GOLGA3: variants seen among roughly 807,000 people sequenced by gnomAD.
The protein encoded by GOLGA3 is golgin subfamily A member 3.
GOLGA3 carries 75 observed loss-of-function variants against 169.4 expected under a neutral mutation model. That is an observed-to-expected ratio of 0.44 (90% confidence interval 0.37 to 0.54). GOLGA3 has a LOEUF of 0.54. Ranked by LOEUF, GOLGA3 falls within the 20% of genes least tolerant of loss-of-function variation. The pLI is 0.00. For missense variants in GOLGA3, 1,899 were observed against 1,930.0 expected, an observed-to-expected ratio of 0.98 and a Z score of 0.30; for synonymous variants, 824 against 822.4, an observed-to-expected ratio of 1.00 and a Z score of -0.03.
chr12:132,780,713 G>C, intron 18 of GOLGA3, 85 bp downstream of exon 18: 1 of 833,360 alleles, frequency 1.2e-6, no homozygotes, highest in Non-Finnish European at 2.0e-6. Flanking sequence ...GCTGGAAGGA[G>C]GCTGGTGTGT....
rs373031026 is a variant in GOLGA3, at chr12:132,812,472, G to A, written c.519+835C>T. Among the ~76,000 whole-genome samples, 4 of 152,040 alleles carry A rather than the reference G, an allele frequency of 2.6e-5. No individual in the cohort carries two copies. In the East Asian group the frequency reaches 7.7e-4, roughly 29 times the overall value. ...GGGCAAAGTAAACTGAAAACCTTCT[G>A]GAAAGGATTCACCATTCTAGATGCC... On this transcript the variant is annotated intron_variant, in intron 4 of 23. Coordinates refer to ENST00000450791, the MANE Select transcript of GOLGA3 (RefSeq NM_001389683.1).
rs771206113 is a variant in GOLGA3 at position 132,786,571 on chromosome 12, G to A, written c.2907-16C>T. 60 of 1,611,020 alleles carry A rather than the reference G, an allele frequency of 3.7e-5. No homozygotes were observed. The Middle Eastern group carries it at 4.0e-3, about 107-fold the overall frequency. On this transcript the variant is annotated splice_polypyrimidine_tract_variant and intron_variant, in intron 14 of 23. Transcript: ENST00000450791. Reference sequence around the variant, plus strand: ...CGTGATGGCCCTGGGGTGTCATGAGGGAGACACAGGAGGAAGCTGAATTAT... The same window carrying A: ...CGTGATGGCCCTGGGGTGTCATGAGAGAGACACAGGAGGAAGCTGAATTAT...
Position 132,808,139 on chromosome 12 carries a change from C to A in GOLGA3, c.930G>T (p.Val310=), listed in dbSNP as rs1324663754. Residue 310 remains valine (V), a synonymous_variant, in exon 5 of 24, where the codon GTG becomes GTT. Coordinates refer to ENST00000450791, the MANE Select transcript of GOLGA3 (RefSeq NM_001389683.1). The part of the protein sequence containing the change: ...TSLAGDSVSE[V]DGNDSDSSSY... ...ATGAGCTGTCGCTGTCATTTCCATCCACCTCAGACACGCTGTCTCCAGCCA... is the reference window on the plus strand; with the variant it reads ...ATGAGCTGTCGCTGTCATTTCCATCAACCTCAGACACGCTGTCTCCAGCCA... 6.2e-7 allele frequency: 1 copy of A among 1,609,350 alleles called. No homozygotes were observed.
At position 132,816,773 on chromosome 12, in the gene GOLGA3, G is replaced by C. The variant is rs142803602; in HGVS notation, c.173C>G (p.Pro58Arg). Residue 58 changes from proline to arginine, a missense_variant, in exon 3 of 24, where the codon CCG becomes CGG. Coordinates refer to ENST00000450791, the MANE Select transcript of GOLGA3 (RefSeq NM_001389683.1). Reference sequence around the variant, plus strand: ...GAGGCCTCCCTGGCCAGGTCCATCCGGGCTTTCCCCTTCCGTGGATGCTCT... The same window carrying C: ...GAGGCCTCCCTGGCCAGGTCCATCCCGGCTTTCCCCTTCCGTGGATGCTCT... Reference protein sequence around the residue: ...VNRASTEGESPDGPGQGGLCQ... With the variant: ...VNRASTEGESRDGPGQGGLCQ... The C allele has an allele frequency of 2.5e-6, 4 of 1,608,592 alleles. No homozygotes were observed. The highest frequency in any genetic ancestry group is 2.2e-5 in the South Asian group (2 of 91,006).
chr12:132,777,021 C>T lies in GOLGA3; in HGVS notation c.3792G>A (p.Gln1264=), dbSNP rs571394910. Residue 1264 remains glutamine (Q), a synonymous_variant, in exon 20 of 24, where the codon CAG becomes CAA. Coordinates refer to ENST00000450791, the MANE Select transcript of GOLGA3 (RefSeq NM_001389683.1). The surrounding 1 kb of genome is among the most constrained non-coding windows in gnomAD (Gnocchi z 4.7). ...CCAGCTGCTTCTGCAGGAGCTGGAGCTGTGCCCGGGCCTCGGCCAGCTCTG... is the reference window on the plus strand; with the variant it reads ...CCAGCTGCTTCTGCAGGAGCTGGAGTTGTGCCCGGGCCTCGGCCAGCTCTG... ...FQAELAEARA[Q]LQLLQKQLDE... is the part of the protein sequence containing the mutation. The T allele has an allele frequency of 6.2e-7, 1 of 1,611,980 alleles. No individual in the cohort carries two copies. Among genetic ancestry groups the T allele is most frequent in the African/African-American group, 1.3e-5 (1 of 74,944 alleles).
At position 132,822,033 on chromosome 12, in the gene GOLGA3, G is replaced by A. The variant is rs1442009469; in HGVS notation, c.96C>T (p.Gly32=). The change falls in exon 2 of 24, where the codon GGC becomes GGT. Residue 32 remains glycine, a synonymous_variant. Transcript: ENST00000450791. ...SLPEAPLKPP[G]PLVPPDQQDK... is the part of the protein sequence containing the mutation. The stretch of plus-strand genomic sequence containing the variant: ...CCTGCTGGTCAGGTGGCACCAGTGG[G>A]CCCGGGGGCTTCAGTGGGGCCTCGG... 6.2e-7 allele frequency: 1 copy of A among 1,609,732 alleles called. No homozygotes were observed. The highest frequency in any genetic ancestry group is 8.5e-7 in the Non-Finnish European group (1 of 1,178,314).
Position 132,804,689 on chromosome 12 carries a change from G to A in GOLGA3, c.1597+27C>T. 1 of 1,570,922 alleles carries A rather than the reference G, an allele frequency of 6.4e-7. No individual in the cohort carries two copies. Among genetic ancestry groups the A allele is most frequent in the Non-Finnish European group, 8.7e-7 (1 of 1,147,146 alleles). ...GAGCAGCAGGGACCAGTCAGGGAGG[G>A]GAGGGCGTGGCCAGGGCCAGCCTCA... is the stretch of plus-strand genomic sequence containing the variant. On this transcript the variant is annotated intron_variant, in intron 7 of 23. Coordinates refer to ENST00000450791, the MANE Select transcript of GOLGA3 (RefSeq NM_001389683.1). This position sits in a 1 kb window ranked among gnomAD's most constrained non-coding sequence, Gnocchi z 4.1.
At chr12:132,791,593 T>C (rs894726181) in intron 11 of GOLGA3, among the ~76,000 whole-genome samples, 1 of 147,194 alleles carries the variant, frequency 6.8e-6, no homozygotes, top group Non-Finnish European at 1.5e-5. Flanking sequence ...AAAGGACACA[T>C]CTGCAGAGTT....
At chr12:132,816,952 T>G in intron 2 of GOLGA3, 140 bp from the exon 3 acceptor site, 1 of 829,484 alleles carries the variant, frequency 1.2e-6, no homozygotes. Context: ...GGCTTCACTC[T>G]GAGAGGAGCA....
chr12:132,786,294 T>C, intron 15 of GOLGA3, 45 bp downstream of exon 15: 1 of 1,347,154 alleles, frequency 7.4e-7, no homozygotes, highest in South Asian at 1.3e-5. Flanking sequence ...TTCCCTGCAC[T>C]GAGGGGCTGG....
rs751843259 is a variant in GOLGA3, at chr12:132,825,185, G to C, written c.-183-2874C>G. Among the ~76,000 whole-genome samples the C allele has an allele frequency of 7.9e-4, 120 of 152,080 alleles. 3 individuals are homozygous for C. Among genetic ancestry groups the C allele is most frequent in the Non-Finnish European group, 7.4e-5 (5 of 68,024 alleles). Reference sequence around the variant, plus strand: ...GGGGGTGGGGTGATTATATGGAACCGACCGTGTGTGCCTACGCGTGCAGAC... The same window carrying C: ...GGGGGTGGGGTGATTATATGGAACCCACCGTGTGTGCCTACGCGTGCAGAC... On this transcript the variant is annotated intron_variant, in intron 1 of 23. Coordinates refer to ENST00000450791, the MANE Select transcript of GOLGA3 (RefSeq NM_001389683.1).
intron 8 of GOLGA3, 106 bp downstream of exon 8, chr12:132,801,661 A>T: frequency 8.9e-7 from 1 of 1,129,254 alleles, no homozygotes; most frequent in Non-Finnish European, 1.3e-6. Flanking sequence ...GTTAAAAACA[A>T]AAACATGCCT....
intron 15 of GOLGA3, 87 bp from the exon 16 acceptor site, chr12:132,784,394 T>C: frequency 8.7e-7 from 1 of 1,155,494 alleles, no homozygotes; most frequent in Non-Finnish European, 1.2e-6. Flanking sequence ...CATGAGGCTG[T>C]GTGGCTGCAC....
chr12:132,792,270 A>AG (rs1174958553), intron 11 of GOLGA3, among the ~76,000 whole-genome samples: 11 of 152,216 alleles, frequency 7.2e-5, no homozygotes. Flanking sequence ...GGATGAGGCC[A>AG]GGGGACACTG....
intron 2 of GOLGA3, among the ~76,000 whole-genome samples, chr12:132,820,898 G>A (rs1462640429): frequency 1.3e-5 from 2 of 151,858 alleles, no homozygotes; most frequent in Admixed American, 6.6e-5. Flanking sequence ...TCAGGAGTTC[G>A]AGACCAGCCT....
intron 1 of GOLGA3, among the ~76,000 whole-genome samples, chr12:132,823,540 C>T (rs569986931): frequency 1.5e-4 from 23 of 152,336 alleles, no homozygotes; most frequent in African/African-American, 5.3e-4. Context: ...AATCCCAGCA[C>T]TTTGGGAGGC....
In GOLGA3 at chr12:132,789,098, G is replaced by GCTGAC; in HGVS notation, c.2735_2739dup (p.His914ValfsTer45). 6.2e-7 allele frequency: 1 copy of GCTGAC among 1,613,142 alleles called. No individual in the cohort carries two copies. The highest frequency in any genetic ancestry group is 8.5e-7 in the Non-Finnish European group (1 of 1,179,806). On this transcript the variant is annotated frameshift_variant, in exon 13 of 24. Coordinates refer to ENST00000450791, the MANE Select transcript of GOLGA3 (RefSeq NM_001389683.1). LOFTEE classifies it high-confidence loss of function. ...AGATGCCCTTCAAGGTCCGCCATGT[G>GCTGAC]CTGACGGACCTGGGCCACCTCTCTG...
At position 132,769,956 on chromosome 12, in the gene GOLGA3, C is replaced by G. The variant is rs1205373187; in HGVS notation, c.*3149G>C. 1 of 152,102 alleles carries G rather than the reference C, an allele frequency of 6.6e-6. No homozygotes were observed. The highest frequency in any genetic ancestry group is 1.5e-5 in the Non-Finnish European group (1 of 68,022). 9.4% of individuals were successfully genotyped at this position (152,102 alleles called of 1,614,324 possible). A position where few individuals can be genotyped will look rare whatever the true frequency, so the allele number is the denominator to read the frequency against. Reference sequence around the variant, plus strand: ...AGCAATTTAAAAATCCAACTGCAGCCGGGGGCGGTGGTTCACGCCTATAAT... The same window carrying G: ...AGCAATTTAAAAATCCAACTGCAGCGGGGGGCGGTGGTTCACGCCTATAAT... On this transcript the variant is annotated 3_prime_UTR_variant, in exon 24 of 24. Coordinates refer to ENST00000450791, the MANE Select transcript of GOLGA3 (RefSeq NM_001389683.1).
intron 9 of GOLGA3, among the ~76,000 whole-genome samples, chr12:132,797,296 C>G (rs1293142627): frequency 6.6e-6 from 1 of 152,178 alleles, no homozygotes; most frequent in African/African-American, 2.4e-5. Context: ...GTACAACTGG[C>G]AAGATCGGCA....
Sources: gnomAD v4.1 joint callset for allele counts (sites outside exome capture counted in the v4.1 genomes callset) on GRCh38, gnomAD v4.1.1 for gene constraint, Gnocchi (gnomAD v3.1) non-coding constraint, MANE v1.5 for transcripts, NCBI Gene and HGNC (gene_info 2026-07-23, HGNC 2026-07-21) for gene names.